MYBL1: variants seen among roughly 807,000 people sequenced by gnomAD.
MYBL1 encodes the protein myb-related protein A.
MYBL1 carries 17 observed loss-of-function variants against 96.3 expected under a neutral mutation model. That is an observed-to-expected ratio of 0.18 (90% CI 0.12 to 0.26). The LOEUF (loss-of-function observed/expected upper bound fraction) is 0.26. Among genes scored for constraint, MYBL1 ranks in the 10% least tolerant of loss-of-function variants. The pLI, the probability that MYBL1 is intolerant of heterozygous loss-of-function variation, is 1.00. For missense variants in MYBL1, 701 were observed against 882.9 expected (o/e 0.79, Z 2.61); for synonymous variants, 282 against 292.7 (o/e 0.96, Z 0.37).
chr8:66,570,367 T>C (rs1332365035), intron 12 of MYBL1, among the ~76,000 whole-genome samples: 1 of 151,652 alleles, frequency 6.6e-6, no homozygotes, highest in Non-Finnish European at 1.5e-5. Context: ...TGGAGTGCAG[T>C]GGCTTCATCA....
intron 12 of MYBL1, 149 bp from the exon 13 acceptor site, chr8:66,567,141 T>C (rs1808537019): frequency 1.7e-6 from 1 of 579,524 alleles, no homozygotes; most frequent in Non-Finnish European, 3.0e-6. Context: ...TAATTCATGT[T>C]GTGGCAAAAC....
intron 12 of MYBL1, among the ~76,000 whole-genome samples, chr8:66,569,234 G>T (rs1029480393): frequency 3.3e-5 from 5 of 151,948 alleles, no homozygotes; most frequent in African/African-American, 1.2e-4. Flanking sequence ...GTGTTGGTTT[G>T]CTGAGGATAA....
chr8:66,596,386 T>C (rs1328534362), intron 5 of MYBL1, among the ~76,000 whole-genome samples: 1 of 152,128 alleles, frequency 6.6e-6, no homozygotes, highest in African/African-American at 2.4e-5. Context: ...AATGAAAATC[T>C]TCAACCTATG....
At chr8:66,571,973 G>T (rs942236312) in intron 12 of MYBL1, among the ~76,000 whole-genome samples, 2 of 151,752 alleles carry the variant, frequency 1.3e-5, no homozygotes, top group African/African-American at 4.8e-5. Context: ...GCCAAGCAAG[G>T]GTTTATTTAC....
chr8:66,607,396 CA>C (rs1191416173), intron 1 of MYBL1, among the ~76,000 whole-genome samples: 2 of 152,138 alleles, frequency 1.3e-5, no homozygotes, highest in Admixed American at 6.5e-5. Context: ...CCTCCACATC[CA>C]AAAAGTAAGC....
chr8:66,613,100 C>G lies in MYBL1; in HGVS notation c.-262G>C, dbSNP rs993793224. ...GGGATACCCCCAACATGTCAGGAGG[C>G]GCGATCCCGCCCTCCGCCGGCTTCT... On this transcript the variant is annotated 5_prime_UTR_variant, in exon 1 of 16. Coordinates refer to ENST00000522677, the MANE Select transcript of MYBL1 (RefSeq NM_001080416.4). 2.5e-6 allele frequency: 1 copy of G among 404,982 alleles called. No individual in the cohort carries two copies. Among genetic ancestry groups the G allele is most frequent in the Non-Finnish European group, 4.4e-6 (1 of 229,486 alleles). 25.1% of individuals were successfully genotyped at this position (404,982 alleles called of 1,614,324 possible). A position where few individuals can be genotyped will look rare whatever the true frequency, so the allele number is the denominator to read the frequency against.
rs1809714251 is a variant in MYBL1 at position 66,593,114 on chromosome 8, AG to A, written c.762+5del. 6.5e-7 allele frequency: 1 copy of A among 1,547,360 alleles called. No homozygotes were observed. Among genetic ancestry groups the A allele is most frequent in the Non-Finnish European group, 8.8e-7 (1 of 1,137,656 alleles). On this transcript the variant is annotated splice_donor_5th_base_variant and intron_variant, in intron 7 of 15. Transcript: ENST00000522677. ...TCCTTTGGTTTTCGTTATAAATAAA[AG>A]TTACCTGAATAAAGGCAGAAGTAGG...
Position 66,602,412 on chromosome 8 carries a change from A to G in MYBL1, c.126+6T>C. 6.4e-7 allele frequency: 1 copy of G among 1,564,206 alleles called. No individual in the cohort carries two copies. The highest frequency in any genetic ancestry group is 8.7e-7 in the Non-Finnish European group (1 of 1,149,876). ...AAGAAACTATGAAACCTTGTCAGAT[A>G]ATTACCTCGTCCCTTGTCCATTTTA... On this transcript the variant is annotated splice_donor_region_variant and intron_variant, in intron 2 of 15. Coordinates refer to ENST00000522677, the MANE Select transcript of MYBL1 (RefSeq NM_001080416.4).
At chr8:66,580,480 C>T in intron 8 of MYBL1, 114 bp from the exon 9 acceptor site, 1 of 693,528 alleles carries the variant, frequency 1.4e-6, no homozygotes, top group Non-Finnish European at 2.3e-6. Flanking sequence ...TTTTGTCTTT[C>T]CTCAAAATTG....
Position 66,592,421 on chromosome 8 carries a change from TA to T in MYBL1, c.867+18del. ...ATATGAAAGATTCTAACAATACAAA[TA>T]ACAAGCTTATTTCTTACTGATGGAA... On this transcript the variant is annotated intron_variant, in intron 8 of 15. Transcript: ENST00000522677. The T allele has an allele frequency of 6.8e-7, 1 of 1,480,306 alleles. No homozygotes were observed. Among genetic ancestry groups the T allele is most frequent in the Non-Finnish European group, 9.3e-7 (1 of 1,076,380 alleles). 91.7% of individuals were successfully genotyped at this position (1,480,306 alleles called of 1,614,324 possible).
At chr8:66,568,263 G>C (rs1035111973) in intron 12 of MYBL1, among the ~76,000 whole-genome samples, 2 of 151,968 alleles carry the variant, frequency 1.3e-5, no homozygotes, top group Admixed American at 1.3e-4. Context: ...ACTTCTCAAA[G>C]AGCTTATTAT....
intron 10 of MYBL1, among the ~76,000 whole-genome samples, chr8:66,574,137 T>C (rs1031411493): frequency 6.6e-6 from 1 of 152,214 alleles, no homozygotes. Context: ...GAAACAGTGA[T>C]ATGAAGCCAT....
At chr8:66,578,285 G>C (rs1194794861) in intron 9 of MYBL1, among the ~76,000 whole-genome samples, 2 of 149,880 alleles carry the variant, frequency 1.3e-5, no homozygotes, top group African/African-American at 4.9e-5. Flanking sequence ...CCATCAGAGT[G>C]AACAGGCAAC....
At position 66,587,059 on chromosome 8, in the gene MYBL1, C is replaced by T. The variant is rs149091642; in HGVS notation, c.867+5381G>A. 1.1e-4 allele frequency among the ~76,000 whole-genome samples: 16 copies of T among 151,938 alleles called. No homozygotes were observed. The East Asian group carries it at 2.7e-3, about 26-fold the overall frequency. On this transcript the variant is annotated intron_variant, in intron 8 of 15. Transcript: ENST00000522677. ...AAGAAGGGGAGCCAAGGAAGGGAAGCGGAGAAGGGAGAGTAGCCAAAGGTT... is the reference window on the plus strand; with the variant it reads ...AAGAAGGGGAGCCAAGGAAGGGAAGTGGAGAAGGGAGAGTAGCCAAAGGTT...
intron 5 of MYBL1, among the ~76,000 whole-genome samples, chr8:66,596,622 T>A (rs1809859802): frequency 1.3e-5 from 2 of 152,160 alleles, no homozygotes; most frequent in Non-Finnish European, 1.5e-5. Context: ...TCCAAGTCTA[T>A]AAAAATTAAG....
At position 66,571,742 on chromosome 8, in the gene MYBL1, G is replaced by A. The variant is rs191865447; in HGVS notation, c.1728+740C>T. Among the ~76,000 whole-genome samples, 291 of 152,012 alleles carry A rather than the reference G, an allele frequency of 1.9e-3. 1 individual carries two copies. The highest frequency in any genetic ancestry group is 6.2e-3 in the African/African-American group (259 of 41,478). ...CTAAAAATACAAAAATTAGCTGGGC[G>A]TGGTGGCGCAAGCCTGTAGTCCAAG... On this transcript the variant is annotated intron_variant, in intron 12 of 15. Transcript: ENST00000522677.
intron 3 of MYBL1, among the ~76,000 whole-genome samples, chr8:66,600,422 T>G (rs1045089877): frequency 5.9e-5 from 9 of 152,234 alleles, no homozygotes; most frequent in Non-Finnish European, 1.2e-4. Context: ...GGCTGACACT[T>G]TCTTCAAAAT....
intron 8 of MYBL1, among the ~76,000 whole-genome samples, chr8:66,581,124 A>T (rs1490504348): frequency 6.6e-6 from 1 of 152,164 alleles, no homozygotes; most frequent in African/African-American, 2.4e-5. Context: ...AGCCTCCCAA[A>T]GGGAAGCTAT....
chr8:66,580,051 T>G, intron 9 of MYBL1, 82 bp downstream of exon 9: 1 of 1,033,110 alleles, frequency 9.7e-7, no homozygotes, highest in Admixed American at 2.3e-5. Flanking sequence ...ATAAAACTGG[T>G]CAATGTCCAA....
Sources: allele counts gnomAD v4.1 joint callset (sites outside exome capture counted in the v4.1 genomes callset), GRCh38; gene constraint gnomAD v4.1.1; transcripts MANE v1.5; gene names NCBI Gene and HGNC (gene_info 2026-07-23, HGNC 2026-07-21).